The following WDFY4 variants were observed in gnomAD, a reference collection of about 807,000 sequenced individuals.
The protein encoded by WDFY4 is WDFY family member 4, also known as WD repeat- and FYVE domain-containing protein 4.
A neutral mutation model predicts 351.9 loss-of-function variants in WDFY4; 169 were observed. The observed-to-expected ratio is 0.48, with a 90% CI of 0.42 to 0.55. The LOEUF (loss-of-function observed/expected upper bound fraction) is 0.55, where lower values mean the gene tolerates loss of function less well. Ranked by LOEUF, WDFY4 falls within the 20% of genes least tolerant of loss-of-function variation. The probability of loss-of-function intolerance (pLI) is 0.00; values close to 1 mark genes in which losing one functional copy is unlikely to be tolerated. For synonymous variants in WDFY4, 1,622 were observed against 1,574.6 expected (o/e 1.03, Z -0.71); for missense variants, 3,803 against 3,935.6 (o/e 0.97, Z 0.90).
rs1400422198 is a variant in WDFY4, at chr10:48,897,100, A to T, written c.7317-354A>T. 3.3e-5 allele frequency among the ~76,000 whole-genome samples: 5 copies of T among 152,068 alleles called. No homozygotes were observed. In the East Asian group the frequency reaches 9.7e-4, roughly 29 times the overall value. On this transcript the variant is annotated intron_variant, in intron 44 of 61. Transcript: ENST00000325239. ...GCCCTCCCTGCTGGCCCCCACTCTC[A>T]CCCAGGGGCCTTCTCACCCCGACCC... is the stretch of plus-strand genomic sequence containing the variant.
At chr10:48,889,798 T>C (rs1258725517) in intron 43 of WDFY4, among the ~76,000 whole-genome samples, 3 of 152,208 alleles carry the variant, frequency 2.0e-5, no homozygotes, top group Admixed American at 2.0e-4. Flanking sequence ...GCAACCACAA[T>C]GTAGTCTCAG....
chr10:48,835,823 A>G (rs1001502643), intron 39 of WDFY4, among the ~76,000 whole-genome samples: 2 of 152,350 alleles, frequency 1.3e-5, no homozygotes, highest in East Asian at 3.9e-4. Flanking sequence ...TGTAGATTTT[A>G]AAAGACACAT....
intron 18 of WDFY4, 34 bp downstream of exon 18, chr10:48,778,866 A>C (rs1565187977): frequency 6.5e-7 from 1 of 1,543,008 alleles, no homozygotes; most frequent in East Asian, 2.4e-5. Flanking sequence ...AGTTTCATCC[A>C]CATGTGGGGG....
chr10:48,824,759 C>G (rs1326277781), intron 35 of WDFY4, among the ~76,000 whole-genome samples: 1 of 152,162 alleles, frequency 6.6e-6, no homozygotes, highest in African/African-American at 2.4e-5. Flanking sequence ...CCCATCTCAG[C>G]CTCCAAGTAG....
chr10:48,936,531 A>G (rs1217387058), intron 47 of WDFY4, among the ~76,000 whole-genome samples: 1 of 152,164 alleles, frequency 6.6e-6, no homozygotes, highest in East Asian at 1.9e-4. Context: ...GGTATGTAAA[A>G]CCGTATGAAA....
chr10:48,915,677 A>C (rs555290756), intron 47 of WDFY4, among the ~76,000 whole-genome samples: 3 of 152,126 alleles, frequency 2.0e-5, no homozygotes, highest in Non-Finnish European at 4.4e-5. Flanking sequence ...TCTCACACCT[A>C]CTGAAAATCC....
intron 47 of WDFY4, among the ~76,000 whole-genome samples, chr10:48,918,190 A>G (rs2133556085): frequency 1.3e-5 from 2 of 152,370 alleles, no homozygotes; most frequent in East Asian, 3.9e-4. Flanking sequence ...AGGAGCAAAC[A>G]GACAACAACT....
intron 47 of WDFY4, among the ~76,000 whole-genome samples, chr10:48,931,941 A>G (rs944879365): frequency 6.6e-6 from 1 of 152,216 alleles, no homozygotes; most frequent in African/African-American, 2.4e-5. Context: ...GGCCACCCAC[A>G]TGTTAGTCAT....
chr10:48,840,497 A>T (rs948650925), intron 39 of WDFY4, among the ~76,000 whole-genome samples: 3 of 151,212 alleles, frequency 2.0e-5, no homozygotes, highest in Non-Finnish European at 3.0e-5. Flanking sequence ...TCTCTCTCTC[A>T]CACACACACA....
chr10:48,780,222 G>T lies in WDFY4; in HGVS notation c.3576+103G>T. 6.4e-6 allele frequency: 9 copies of T among 1,405,282 alleles called. No individual in the cohort carries two copies. In the South Asian group the frequency reaches 1.1e-4, roughly 18 times the overall value. 87.1% of individuals were successfully genotyped at this position (1,405,282 alleles called of 1,614,324 possible). ...TCTATGTTTTTGTTGTTGTTTGTTTGTTTGTTTATTACTGGTAGGGTTGGC... is the reference window on the plus strand; with the variant it reads ...TCTATGTTTTTGTTGTTGTTTGTTTTTTTGTTTATTACTGGTAGGGTTGGC... On this transcript the variant is annotated intron_variant, in intron 19 of 61. Coordinates refer to ENST00000325239, the MANE Select transcript of WDFY4 (RefSeq NM_001394531.1).
chr10:48,784,516 A>C, intron 19 of WDFY4, among the ~76,000 whole-genome samples: 1 of 82,912 alleles, frequency 1.2e-5, no homozygotes, highest in Admixed American at 1.3e-4. Context: ...CCCATTTTCT[A>C]ATTGCATTGT....
At chr10:48,870,399 A>G (rs561530426) in intron 40 of WDFY4, among the ~76,000 whole-genome samples, 88 of 152,258 alleles carry the variant, frequency 5.8e-4, no homozygotes, top group African/African-American at 2.1e-3. Context: ...GACATTAGCC[A>G]TGTATAGTGG....
chr10:48,811,200 G>A (rs2067432841), intron 29 of WDFY4, among the ~76,000 whole-genome samples: 1 of 152,152 alleles, frequency 6.6e-6, no homozygotes, highest in Non-Finnish European at 1.5e-5. Flanking sequence ...ATTGCTTAAT[G>A]TCTGTCCCTC....
intron 12 of WDFY4, among the ~76,000 whole-genome samples, chr10:48,748,407 C>T (rs1282886944): frequency 2.6e-5 from 4 of 152,136 alleles, no homozygotes; most frequent in African/African-American, 9.7e-5. Flanking sequence ...AGAATTTGAA[C>T]CCAGGGCTAC....
Position 48,930,930 on chromosome 10 carries a change from C to T in WDFY4, c.7587-10876C>T, listed in dbSNP as rs183734683. ...TACCCAGAAAAGAGGAGAGAAAGAA[C>T]GCCAAGAATATCAGCAACACTGCTC... On this transcript the variant is annotated intron_variant, in intron 47 of 61. Coordinates refer to ENST00000325239, the MANE Select transcript of WDFY4 (RefSeq NM_001394531.1). Among the ~76,000 whole-genome samples, 337 of 152,240 alleles carry T rather than the reference C, an allele frequency of 2.2e-3. 5 individuals carry two copies. The highest frequency in any genetic ancestry group is 7.7e-3 in the African/African-American group (318 of 41,534).
chr10:48,830,660 C>A (rs1330194453), intron 37 of WDFY4, 40 bp from the exon 38 acceptor site: 2 of 1,536,778 alleles, frequency 1.3e-6, no homozygotes, highest in Non-Finnish European at 1.8e-6. Context: ...GGGAGGGTCA[C>A]TGAGGCCATC....
At chr10:48,961,704 G>A (rs1841868238) in intron 53 of WDFY4, among the ~76,000 whole-genome samples, 1 of 152,190 alleles carries the variant, frequency 6.6e-6, no homozygotes, top group Non-Finnish European at 1.5e-5. Flanking sequence ...AAGAAGGGAA[G>A]ATATGGCCAG....
At chr10:48,947,026 C>A in intron 51 of WDFY4, 57 bp downstream of exon 51, 1 of 1,229,176 alleles carries the variant, frequency 8.1e-7, no homozygotes, top group Non-Finnish European at 1.1e-6. Flanking sequence ...ACACATACGC[C>A]TGTATCACAA....
chr10:48,835,196 C>A, intron 39 of WDFY4, among the ~76,000 whole-genome samples: 1 of 151,932 alleles, frequency 6.6e-6, no homozygotes, highest in African/African-American at 2.4e-5. Context: ...GTAAGATAGA[C>A]AATAAGCAAA....
Sources: allele counts gnomAD v4.1 joint callset (sites outside exome capture counted in the v4.1 genomes callset), GRCh38; gene constraint gnomAD v4.1.1; transcripts MANE v1.5; gene names NCBI Gene and HGNC (gene_info 2026-07-23, HGNC 2026-07-21).